YY1AP1: variants seen among roughly 807,000 people sequenced by gnomAD.
The protein encoded by YY1AP1 is YY1 associated protein 1.
A neutral mutation model predicts 39.9 loss-of-function variants in YY1AP1; 43 were observed. That is an observed-to-expected ratio of 1.08 (90% CI 0.84 to 1.39). The LOEUF is 1.39. YY1AP1 is among the 40% of genes most tolerant of loss of function. The probability of loss-of-function intolerance (pLI) is 0.00; values close to 1 mark genes in which losing one functional copy is unlikely to be tolerated. For synonymous variants in YY1AP1, 292 were observed against 331.3 expected (o/e 0.88, Z 1.29); for missense variants, 813 against 900.7 (o/e 0.90, Z 1.25).
At chr1:155,683,839 G>C (rs761534622) in intron 2 of YY1AP1, among the ~76,000 whole-genome samples, 1 of 152,012 alleles carries the variant, frequency 6.6e-6, no homozygotes, top group Non-Finnish European at 1.5e-5. Flanking sequence ...CTTGGATTTG[G>C]TAAGCAGGTA....
Position 155,672,613 on chromosome 1 carries a change from A to G in YY1AP1, c.530T>C (p.Phe177Ser). Reference protein sequence around the residue: ...LMGAMQLIEDFSTHVSIDCSP... With the variant: ...LMGAMQLIEDSSTHVSIDCSP... ...GCAGTCAATGCTGACATGTGTGCTG[A>G]AGTCTTCAATCAGCTGCATAGCTCC... Residue 177 changes from phenylalanine to serine, a missense_variant, in exon 7 of 11, where the codon TTC becomes TCC. This residue lies in a region of YY1AP1 where 31 missense variants were observed against 63.7 expected (regional missense o/e 0.49). Coordinates refer to ENST00000355499, the MANE Select transcript of YY1AP1 (RefSeq NM_139119.3). 1.2e-6 allele frequency: 2 copies of G among 1,613,614 alleles called. No individual in the cohort carries two copies. Among genetic ancestry groups the G allele is most frequent in the Non-Finnish European group, 1.7e-6 (2 of 1,179,582 alleles).
intron 9 of YY1AP1, among the ~76,000 whole-genome samples, chr1:155,666,618 A>G (rs1266224651): frequency 6.6e-6 from 1 of 152,172 alleles, no homozygotes; most frequent in African/African-American, 2.4e-5. Context: ...ACCAGGCAGT[A>G]CCAATTAGAG....
chr1:155,676,901 A>G (rs1236702892), intron 4 of YY1AP1, among the ~76,000 whole-genome samples, 155 bp from the exon 5 acceptor site: 5 of 152,166 alleles, frequency 3.3e-5, no homozygotes, highest in Admixed American at 3.3e-4. Context: ...AGCCTTACAC[A>G]AATCTTTTCC....
At chr1:155,679,823 T>C in intron 3 of YY1AP1, 2 of 1,201,948 alleles carry the variant, frequency 1.7e-6, no homozygotes, top group Non-Finnish European at 2.1e-6. Context: ...TAATTATTTG[T>C]GTGCAAAATA....
chr1:155,674,851 C>G, intron 6 of YY1AP1, 159 bp downstream of exon 6: 1 of 591,804 alleles, frequency 1.7e-6, no homozygotes, highest in East Asian at 3.1e-5. Flanking sequence ...AAATTGAATA[C>G]ACTCTTTGTC....
intron 9 of YY1AP1, among the ~76,000 whole-genome samples, chr1:155,667,022 A>G (rs932511221): frequency 1.3e-5 from 2 of 152,010 alleles, no homozygotes; most frequent in African/African-American, 4.8e-5. Flanking sequence ...TAAAATAAAT[A>G]AATAAATAAA....
At chr1:155,686,592 A>AT (rs1652407445) in intron 2 of YY1AP1, among the ~76,000 whole-genome samples, 1 of 152,136 alleles carries the variant, frequency 6.6e-6, no homozygotes, top group Admixed American at 6.5e-5. Flanking sequence ...TTGAATGGTT[A>AT]TATTTGTTGA....
rs1454039491 is a variant in YY1AP1 at position 155,672,365 on chromosome 1, G to A, written c.583+195C>T. ...GTCCACTGCCTCCATGCCTTACCCA[G>A]GCCCGGAGATTATCATGTAATTCTA... On this transcript the variant is annotated intron_variant, in intron 7 of 10. Transcript: ENST00000355499. The A allele has an allele frequency of 5.7e-6, 5 of 883,134 alleles. No individual in the cohort carries two copies. The Admixed American group carries it at 1.0e-4, about 18-fold the overall frequency. 54.7% of individuals were successfully genotyped at this position (883,134 alleles called of 1,614,324 possible).
At chr1:155,688,226 AG>A (rs1347007278) in intron 1 of YY1AP1, 25 bp from the exon 2 acceptor site, 1 of 1,613,234 alleles carries the variant, frequency 6.2e-7, no homozygotes, top group African/African-American at 1.3e-5. Flanking sequence ...AGAGAGGAGA[AG>A]GGAAAGGTGG....
intron 4 of YY1AP1, 132 bp from the exon 5 acceptor site, chr1:155,676,878 C>G: frequency 3.5e-6 from 3 of 866,374 alleles, no homozygotes; most frequent in Non-Finnish European, 5.4e-6. Context: ...CTTTAGCCAA[C>G]AGTCAAACTC....
chr1:155,686,350 C>T (rs1652330895), intron 2 of YY1AP1, among the ~76,000 whole-genome samples: 2 of 152,020 alleles, frequency 1.3e-5, no homozygotes, highest in South Asian at 4.1e-4. Flanking sequence ...GCCACCGCGC[C>T]CTGCCGAAAT....
intron 6 of YY1AP1, among the ~76,000 whole-genome samples, 181 bp from the exon 7 acceptor site, chr1:155,672,912 G>A (rs1650072330): frequency 6.6e-6 from 1 of 152,108 alleles, no homozygotes; most frequent in South Asian, 2.1e-4. Flanking sequence ...GATATTCAGG[G>A]ATTATATTCT....
intron 10 of YY1AP1, 78 bp from the exon 11 acceptor site, chr1:155,660,991 C>T: frequency 6.2e-7 from 1 of 1,606,310 alleles, no homozygotes; most frequent in South Asian, 1.1e-5. Context: ...AGTTTAGGGA[C>T]CTGAGACAAG....
In YY1AP1 at chr1:155,660,817, G is replaced by T. The variant is rs1287375476; in HGVS notation, c.1093C>A (p.Gln365Lys). The stretch of plus-strand genomic sequence containing the variant: ...TCTGAGTTGTCTTTTTCTAGGCCTT[G>T]ATCTGAGTTGATCTCAGTGGTTCCA... ...MTGTTEINSD[Q>K]GLEKDNSELG... Residue 365 changes from glutamine (Q) to lysine (K), a missense_variant, in exon 11 of 11, where the codon CAA (glutamine) becomes AAA (lysine). Gln to Lys is a moderately conservative substitution (Grantham distance 53). Transcript: ENST00000355499. The T allele has an allele frequency of 6.2e-7, 1 of 1,614,092 alleles. No homozygotes were observed. Among genetic ancestry groups the T allele is most frequent in the African/African-American group, 1.3e-5 (1 of 74,934 alleles).
Position 155,670,374 on chromosome 1 carries a change from G to C in YY1AP1, c.674C>G (p.Ser225Cys). ...FMYPELLPVC[S>C]LKAKNPQDKI... ...ATCCTGGGGATTCTTTGCCTTCAGG[G>C]AACACACTGGAAGTAACTCTGGATA... The change falls in exon 8 of 11, where the codon TCC becomes TGC. Residue 225 changes from serine (S) to cysteine (C), a missense_variant. Ser to Cys is a moderately radical substitution (Grantham distance 112). Around this residue, in one of 3 missense-constraint regions of YY1AP1, gnomAD observed 586 missense variants for 647.4 expected, o/e 0.91. Coordinates refer to ENST00000355499, the MANE Select transcript of YY1AP1 (RefSeq NM_139119.3). 6.2e-7 allele frequency: 1 copy of C among 1,613,348 alleles called. No individual in the cohort carries two copies. The highest frequency in any genetic ancestry group is 8.5e-7 in the Non-Finnish European group (1 of 1,180,026).
Position 155,660,591 on chromosome 1 carries a change from T to C in YY1AP1, c.1319A>G (p.Glu440Gly). 6.2e-7 allele frequency: 1 copy of C among 1,614,160 alleles called. No homozygotes were observed. Among genetic ancestry groups the C allele is most frequent in the Non-Finnish European group, 8.5e-7 (1 of 1,180,034 alleles). Reference protein sequence around the residue: ...GKTPAQSTHSEAPPSKMVLRI... With the variant: ...GKTPAQSTHSGAPPSKMVLRI... ...GAGCACCATTTTGCTCGGAGGGGCTTCTGAATGAGTTGATTGGGCTGGTGT... is the reference window on the plus strand; with the variant it reads ...GAGCACCATTTTGCTCGGAGGGGCTCCTGAATGAGTTGATTGGGCTGGTGT... The change falls in exon 11 of 11, where the codon GAA (glutamate) becomes GGA (glycine). Residue 440 changes from glutamate to glycine, a missense_variant. By Grantham distance (98) the Glu-to-Gly change is moderately conservative (BLOSUM62 -2). Around this residue, in one of 3 missense-constraint regions of YY1AP1, gnomAD observed 586 missense variants for 647.4 expected, o/e 0.91. Transcript: ENST00000355499.
In YY1AP1 at chr1:155,672,660, C is replaced by A; in HGVS notation, c.483G>T (p.Leu161=). ...HHQYNPKFQT[L]FQPCNLMGAM... Reference sequence around the variant, plus strand: ...CTCCCATCAAGTTACAGGGTTGGAACAGGGTCTGAAACTTGGGGTTGTACT... The same window carrying A: ...CTCCCATCAAGTTACAGGGTTGGAAAAGGGTCTGAAACTTGGGGTTGTACT... The change falls in exon 7 of 11, where the codon CTG becomes CTT. Residue 161 remains leucine, a synonymous_variant. Transcript: ENST00000355499. 1.2e-6 allele frequency: 2 copies of A among 1,614,132 alleles called. No homozygotes were observed. The highest frequency in any genetic ancestry group is 1.7e-6 in the Non-Finnish European group (2 of 1,180,010).
chr1:155,682,248 T>A (rs946643189), intron 2 of YY1AP1, among the ~76,000 whole-genome samples: 1 of 152,164 alleles, frequency 6.6e-6, no homozygotes, highest in Non-Finnish European at 1.5e-5. Flanking sequence ...TTTTTTTTAA[T>A]TTTTATTCAT....
intron 8 of YY1AP1, among the ~76,000 whole-genome samples, chr1:155,669,104 G>C (rs1012136444): frequency 2.6e-5 from 4 of 152,172 alleles, no homozygotes; most frequent in Admixed American, 1.3e-4. Flanking sequence ...CATGATTACA[G>C]TGCACTGCAG....
Sources: allele counts gnomAD v4.1 joint callset (sites outside exome capture counted in the v4.1 genomes callset), GRCh38; gene constraint gnomAD v4.1.1; regional missense constraint gnomAD v4.1.1; transcripts MANE v1.5; gene names NCBI Gene and HGNC (gene_info 2026-07-23, HGNC 2026-07-21).